The following MED16 variants were observed in gnomAD, a reference collection of about 807,000 sequenced individuals.
The protein encoded by MED16 is mediator complex subunit 16, also known as mediator of RNA polymerase II transcription subunit 16.
In MED16, 81 loss-of-function variants were observed where a neutral mutation model predicts 84.4. The observed-to-expected ratio is 0.96, with a 90% CI of 0.80 to 1.15. The LOEUF (loss-of-function observed/expected upper bound fraction) is 1.15. Ranked by LOEUF, MED16 falls within the 50% of genes most tolerant of loss-of-function variation. The probability of loss-of-function intolerance (pLI) is 0.00; values close to 1 mark genes in which losing one functional copy is unlikely to be tolerated. For synonymous variants in MED16, 897 were observed against 552.2 expected, an observed-to-expected ratio of 1.62 and a Z score of -8.76; for missense variants, 1,585 against 1,245.9, an observed-to-expected ratio of 1.27 and a Z score of -4.10.
At position 868,939 on chromosome 19, in the gene MED16, C is replaced by G; in HGVS notation, c.2323G>C (p.Gly775Arg). Residue 775 changes from glycine (G) to arginine (R), a missense_variant, in exon 14 of 16, where the codon GGC (glycine) becomes CGC (arginine). Transcript: ENST00000325464. Reference sequence around the variant, plus strand: ...CGCAGGTGGTCGATCTTGGGCTGGCCTGGGGCCCTGGCGGGAGAGGGGAGA... The same window carrying G: ...CGCAGGTGGTCGATCTTGGGCTGGCGTGGGGCCCTGGCGGGAGAGGGGAGA... ...LQLDGLARAP[G>R]QPKIDHLRRL... 1.3e-6 allele frequency: 2 copies of G among 1,539,708 alleles called. No individual in the cohort carries two copies. The highest frequency in any genetic ancestry group is 1.7e-6 in the Non-Finnish European group (2 of 1,149,850).
chr19:892,923 CGCCCCGCGCCCCGCGCCCCAG>C (rs1345810847), intron 1 of MED16, 142 bp downstream of exon 1: 2 of 95,356 alleles, frequency 2.1e-5, no homozygotes, highest in African/African-American at 3.5e-5. Context: ...CCGCGCCCCG[CGCCCCGCGCCCCGCGCCCCAG>C]GCCGCCTACC....
chr19:880,242 G>C, intron 7 of MED16, 94 bp from the exon 8 acceptor site: 1 of 1,236,930 alleles, frequency 8.1e-7, no homozygotes, highest in Non-Finnish European at 1.1e-6. Context: ...GGAGAGCCGG[G>C]GCTGCCCATC....
chr19:888,557 G>A (rs1297399263), intron 4 of MED16, among the ~76,000 whole-genome samples: 1 of 151,996 alleles, frequency 6.6e-6, no homozygotes, highest in Non-Finnish European at 1.5e-5. Context: ...AAAGGTCTGA[G>A]GTTAGCTATG....
chr19:871,268 G>T lies in MED16; in HGVS notation c.2099-15C>A. ...CTCATCGCGACCTGCGGAGAGAGGT[G>T]GCGGAAGTCTCAGCACCCCTGACTG... On this transcript the variant is annotated splice_polypyrimidine_tract_variant and intron_variant, in intron 12 of 15. Coordinates refer to ENST00000325464, the MANE Select transcript of MED16 (RefSeq NM_005481.3). The T allele has an allele frequency of 6.5e-7, 1 of 1,526,828 alleles. No individual in the cohort carries two copies. 94.6% of individuals were successfully genotyped at this position (1,526,828 alleles called of 1,614,324 possible). A position where few individuals can be genotyped will look rare whatever the true frequency, so the allele number is the denominator to read the frequency against.
chr19:885,533 A>G (rs536739208), intron 5 of MED16, among the ~76,000 whole-genome samples: 1 of 152,218 alleles, frequency 6.6e-6, no homozygotes, highest in East Asian at 1.9e-4. Flanking sequence ...AGACAGGAAG[A>G]GGCTGCGCTG....
rs1389317754 is a variant in MED16 at position 877,190 on chromosome 19, A to C, written c.1354-10T>G. ...GGCGGAGCACGCTCAGCTGCCAGAG[A>C]CAGAGCCCAAGGAGAGCCCGGTGAG... is the stretch of plus-strand genomic sequence containing the variant. On this transcript the variant is annotated splice_polypyrimidine_tract_variant and intron_variant, in intron 8 of 15. Coordinates refer to ENST00000325464, the MANE Select transcript of MED16 (RefSeq NM_005481.3). 1.2e-6 allele frequency: 2 copies of C among 1,602,710 alleles called. No homozygotes were observed.
chr19:877,160 T>G lies in MED16; in HGVS notation c.1374A>C (p.Ser458=). The G allele has an allele frequency of 6.2e-7, 1 of 1,610,934 alleles. No individual in the cohort carries two copies. The highest frequency in any genetic ancestry group is 8.5e-7 in the Non-Finnish European group (1 of 1,179,360). The change falls in exon 9 of 16, where the codon TCA becomes TCC. Residue 458 remains serine (S), a synonymous_variant. Transcript: ENST00000325464. The part of the protein sequence containing the change: ...SHGKLSVLRL[S]PSMGHPLEVG... Reference sequence around the variant, plus strand: ...CCTCCAGCGGGTGGCCCATGGAAGGTGAGAGGCGGAGCACGCTCAGCTGCC... The same window carrying G: ...CCTCCAGCGGGTGGCCCATGGAAGGGGAGAGGCGGAGCACGCTCAGCTGCC...
rs578244913 is a variant in MED16, at chr19:890,600, T to C, written c.170-356A>G. 2.0e-5 allele frequency among the ~76,000 whole-genome samples: 3 copies of C among 152,314 alleles called. No homozygotes were observed. The South Asian group carries it at 6.2e-4, about 32-fold the overall frequency. On this transcript the variant is annotated intron_variant, in intron 2 of 15. Transcript: ENST00000325464. ...ATGACCACGTATTATGAGTGCCTAT[T>C]ACTCAAACAATGGAGAGAAGACGGG...
At chr19:883,061 C>A (rs778279119) in intron 6 of MED16, among the ~76,000 whole-genome samples, 1 of 152,232 alleles carries the variant, frequency 6.6e-6, no homozygotes, top group Non-Finnish European at 1.5e-5. Flanking sequence ...ACCACACCCC[C>A]AGCTAGTGGC....
intron 13 of MED16, among the ~76,000 whole-genome samples, chr19:870,507 G>C (rs371563432): frequency 2.0e-5 from 3 of 151,226 alleles, no homozygotes; most frequent in Non-Finnish European, 4.4e-5. Flanking sequence ...GTTGCAGTGG[G>C]CCAAGACGGC....
chr19:873,613 G>A (rs537292652), intron 10 of MED16, 31 bp from the exon 11 acceptor site: 20 of 1,610,188 alleles, frequency 1.2e-5, no homozygotes, highest in Admixed American at 3.3e-5. Flanking sequence ...GGTCAGCTCG[G>A]GCCTCTTGTA....
Position 879,993 on chromosome 19 carries a change from C to T in MED16, c.1297G>A (p.Ala433Thr), listed in dbSNP as rs762543168. The T allele has an allele frequency of 1.9e-5, 31 of 1,610,068 alleles. No homozygotes were observed. Among genetic ancestry groups the T allele is most frequent in the Non-Finnish European group, 2.5e-5 (30 of 1,178,768 alleles). The stretch of plus-strand genomic sequence containing the variant: ...AGTGACGTCCACGATAGCTGCATAG[C>T]CTTTAAGTGGACGGCGGGGCCCGCG... ...RTAGPAVHLK[A>T]MQLSWTSLAL... The change falls in exon 8 of 16, where the codon GCT (alanine) becomes ACT (threonine). Residue 433 changes from alanine to threonine, a missense_variant. Coordinates refer to ENST00000325464, the MANE Select transcript of MED16 (RefSeq NM_005481.3).
At chr19:873,786 G>A (rs1003052330) in intron 10 of MED16, among the ~76,000 whole-genome samples, 8 of 152,030 alleles carry the variant, frequency 5.3e-5, no homozygotes, top group Non-Finnish European at 1.2e-4. Context: ...CCCGGGGGCC[G>A]CTGTGCTCAG....
intron 9 of MED16, 83 bp from the exon 10 acceptor site, chr19:875,537 ACT>A: frequency 8.8e-7 from 1 of 1,131,450 alleles, no homozygotes; most frequent in Non-Finnish European, 1.2e-6. Context: ...GAGCAGTTCG[ACT>A]CTGACACCAG....
intron 11 of MED16, 48 bp from the exon 12 acceptor site, chr19:872,166 GC>G: frequency 6.6e-7 from 1 of 1,525,906 alleles, no homozygotes; most frequent in Non-Finnish European, 8.9e-7. Flanking sequence ...GGGGCAGATG[GC>G]GATGGGATGA....
At chr19:890,847 G>T (rs750070837) in intron 2 of MED16, 116 bp downstream of exon 2, 1 of 1,141,200 alleles carries the variant, frequency 8.8e-7, no homozygotes, top group Admixed American at 2.8e-5. Flanking sequence ...GAGGGCCAGG[G>T]TGAGTGAGAG....
rs771166547 is a variant in MED16, at chr19:889,752, C to T, written c.333G>A (p.Ala111=). The change falls in exon 4 of 16, where the codon GCG becomes GCA. Residue 111 remains alanine, a synonymous_variant. Transcript: ENST00000325464. ...ADGQIKCWSM[A]DHLANSWESS... The stretch of plus-strand genomic sequence containing the variant: ...TCTCCCAGCTATTAGCCAGGTGGTC[C>T]GCCATGCTCCAGCACTTGATCTGCC... 1.5e-5 allele frequency: 25 copies of T among 1,613,282 alleles called. No homozygotes were observed. Among genetic ancestry groups the T allele is most frequent in the Admixed American group, 6.7e-5 (4 of 59,962 alleles).
At chr19:882,092 A>G (rs1008807817) in intron 6 of MED16, among the ~76,000 whole-genome samples, 2 of 152,164 alleles carry the variant, frequency 1.3e-5, no homozygotes, top group African/African-American at 2.4e-5. Context: ...CCTCATCTAC[A>G]ATTCCAATAA....
chr19:874,900 T>C (rs547842833), intron 10 of MED16, among the ~76,000 whole-genome samples: 48 of 152,174 alleles, frequency 3.2e-4, no homozygotes, highest in African/African-American at 1.1e-3. Flanking sequence ...TCCCAGCCTT[T>C]AGGCTATATC....
Sources: allele counts gnomAD v4.1 joint callset (sites outside exome capture counted in the v4.1 genomes callset), GRCh38; gene constraint gnomAD v4.1.1; transcripts MANE v1.5; gene names NCBI Gene and HGNC (gene_info 2026-07-23, HGNC 2026-07-21).